Variants in PDZRN4 observed in about 807,000 individuals in gnomAD.
PDZRN4 encodes PDZ domain containing ring finger 4.
A neutral mutation model predicts 99.0 loss-of-function variants in PDZRN4; 70 were observed. The ratio of observed to expected loss-of-function variants is 0.71; its 90% CI spans 0.58 to 0.86. The LOEUF is 0.86. PDZRN4 is among the 40% of genes least tolerant of loss of function. PDZRN4 has a pLI of 0.00. For synonymous variants in PDZRN4, 551 were observed against 501.6 expected, an observed-to-expected ratio of 1.10 and a Z score of -1.32; for missense variants, 1,474 against 1,331.2, an observed-to-expected ratio of 1.11 and a Z score of -1.67.
intron 3 of PDZRN4, among the ~76,000 whole-genome samples, chr12:41,356,743 T>C (rs10785248): frequency 0.37 from 56,664 of 151,828 alleles, 10,655 homozygotes; most frequent in Non-Finnish European, 0.39. Context: ...CTTTTAGAAC[T>C]GATTTCATCT....
intron 3 of PDZRN4, among the ~76,000 whole-genome samples, chr12:41,427,253 T>C (rs555427570): frequency 1.3e-5 from 2 of 152,322 alleles, no homozygotes; most frequent in East Asian, 3.9e-4. Context: ...AAAGGAATAA[T>C]ATGGCTGCCT....
At chr12:41,440,773 G>T (rs1952672535) in intron 3 of PDZRN4, among the ~76,000 whole-genome samples, 1 of 152,096 alleles carries the variant, frequency 6.6e-6, no homozygotes, top group African/African-American at 2.4e-5. Context: ...TTTTATATGT[G>T]CCAGGGACAC....
chr12:41,275,720 G>A lies in PDZRN4; in HGVS notation c.843+81532G>A, dbSNP rs548825678. On this transcript the variant is annotated intron_variant, in intron 3 of 9. Coordinates refer to ENST00000402685, the MANE Select transcript of PDZRN4 (RefSeq NM_001164595.2). Reference sequence around the variant, plus strand: ...ATATAAGGCTATAGATATATAGTAAGTAAAGGAGATAGGATTCAAACCCAA... The same window carrying A: ...ATATAAGGCTATAGATATATAGTAAATAAAGGAGATAGGATTCAAACCCAA... Among the ~76,000 whole-genome samples the A allele has an allele frequency of 2.6e-5, 4 of 152,248 alleles. No individual in the cohort carries two copies. The South Asian group carries it at 8.3e-4, about 32-fold the overall frequency.
At chr12:41,191,341 T>C (rs901947589) in intron 1 of PDZRN4, 117 bp from the exon 2 acceptor site, 1 of 622,728 alleles carries the variant, frequency 1.6e-6, no homozygotes, top group Non-Finnish European at 2.8e-6. Flanking sequence ...ATCCTTAATT[T>C]TAAAGTTTTC....
chr12:41,259,255 G>A (rs1951222562), intron 3 of PDZRN4, among the ~76,000 whole-genome samples: 1 of 151,960 alleles, frequency 6.6e-6, no homozygotes, highest in Non-Finnish European at 1.5e-5. Flanking sequence ...AAAAGACAGA[G>A]TGGAAAGGGA....
chr12:41,216,023 C>T (rs1950919099), intron 3 of PDZRN4, among the ~76,000 whole-genome samples: 1 of 151,894 alleles, frequency 6.6e-6, no homozygotes, highest in South Asian at 2.1e-4. Flanking sequence ...CCCCTGTGGT[C>T]CTGTCAAACT....
At chr12:41,461,922 G>T (rs912530628) in intron 3 of PDZRN4, among the ~76,000 whole-genome samples, 9 of 151,956 alleles carry the variant, frequency 5.9e-5, no homozygotes, top group Non-Finnish European at 1.2e-4. Context: ...AACCCCCCAT[G>T]CCCCTAGAAT....
At position 41,573,067 on chromosome 12, in the gene PDZRN4, T is replaced by C; in HGVS notation, c.2288T>C (p.Val763Ala). ...DRSPDSSLPR[V>A]INLTNKKNLR... ...TCCCCTGACAGTTCCCTTCCAAGGG[T>C]GATCAACCTCACCAATAAGAAAAAC... Residue 763 changes from valine (V) to alanine (A), a missense_variant, in exon 10 of 10, where the codon GTG (valine) becomes GCG (alanine). Coordinates refer to ENST00000402685, the MANE Select transcript of PDZRN4 (RefSeq NM_001164595.2). The C allele has an allele frequency of 6.2e-7, 1 of 1,613,896 alleles. No homozygotes were observed. Among genetic ancestry groups the C allele is most frequent in the Non-Finnish European group, 8.5e-7 (1 of 1,179,956 alleles).
intron 3 of PDZRN4, among the ~76,000 whole-genome samples, chr12:41,310,631 A>G (rs762192625): frequency 3.9e-5 from 6 of 152,194 alleles, no homozygotes; most frequent in Admixed American, 1.3e-4. Context: ...ATCAGTGTCA[A>G]TTGTTGCTCT....
chr12:41,249,130 TAC>T (rs1258822485), intron 3 of PDZRN4, among the ~76,000 whole-genome samples: 1 of 152,180 alleles, frequency 6.6e-6, no homozygotes, highest in Non-Finnish European at 1.5e-5. Context: ...CACACACATA[TAC>T]ACACACAGAG....
chr12:41,301,503 T>C (rs942168864), intron 3 of PDZRN4, among the ~76,000 whole-genome samples: 17 of 152,038 alleles, frequency 1.1e-4, no homozygotes, highest in African/African-American at 3.6e-4. Flanking sequence ...GATATAATCC[T>C]TATAGAAGAA....
At chr12:41,206,390 G>T (rs954412625) in intron 3 of PDZRN4, among the ~76,000 whole-genome samples, 1 of 151,766 alleles carries the variant, frequency 6.6e-6, no homozygotes. Flanking sequence ...GTGAAATGGT[G>T]TATGCAGATG....
chr12:41,487,378 A>G (rs563625700), intron 3 of PDZRN4, among the ~76,000 whole-genome samples: 9 of 152,328 alleles, frequency 5.9e-5, no homozygotes, highest in Admixed American at 2.6e-4. Flanking sequence ...TGACAGGAGC[A>G]TAACATTGCA....
intron 3 of PDZRN4, among the ~76,000 whole-genome samples, chr12:41,247,548 TCATCGCCCTTTTGACTC>T (rs1328650376): frequency 6.6e-6 from 1 of 152,214 alleles, no homozygotes; most frequent in African/African-American, 2.4e-5. Flanking sequence ...GTGGTAGGGT[TCATCGCCCTTTTGACTC>T]CAATTCCTGG....
Position 41,219,839 on chromosome 12 carries a change from A to AT in PDZRN4, c.843+25655dup, listed in dbSNP as rs1223086997. 4.6e-5 allele frequency among the ~76,000 whole-genome samples: 7 copies of AT among 152,140 alleles called. No individual in the cohort carries two copies. In the East Asian group the frequency reaches 1.2e-3, roughly 25 times the overall value. On this transcript the variant is annotated intron_variant, in intron 3 of 9. Coordinates refer to ENST00000402685, the MANE Select transcript of PDZRN4 (RefSeq NM_001164595.2). ...TAGGAATTCCATTTATTCAGCAACA[A>AT]TTTTAAGCTGCTGTAGCTTCTGCTA...
chr12:41,300,731 T>C (rs1951530404), intron 3 of PDZRN4, among the ~76,000 whole-genome samples: 1 of 152,004 alleles, frequency 6.6e-6, no homozygotes. Context: ...TGGTCAGCTG[T>C]ACCCAGAGAT....
chr12:41,337,266 A>G (rs2121006939), intron 3 of PDZRN4, among the ~76,000 whole-genome samples: 1 of 152,172 alleles, frequency 6.6e-6, no homozygotes, highest in South Asian at 2.1e-4. Context: ...AGTGGTTTCA[A>G]TGTGACTAGG....
Position 41,344,115 on chromosome 12 carries a change from T to C in PDZRN4, c.843+149927T>C, listed in dbSNP as rs540461604. On this transcript the variant is annotated intron_variant, in intron 3 of 9. Coordinates refer to ENST00000402685, the MANE Select transcript of PDZRN4 (RefSeq NM_001164595.2). Reference sequence around the variant, plus strand: ...AGCTTCCCTGAGTTAGAATCTATACTGGTGATCAAATAAGTTGATTATATC... The same window carrying C: ...AGCTTCCCTGAGTTAGAATCTATACCGGTGATCAAATAAGTTGATTATATC... Among the ~76,000 whole-genome samples the C allele has an allele frequency of 2.6e-5, 4 of 152,266 alleles. No homozygotes were observed. In the East Asian group the frequency reaches 7.7e-4, roughly 29 times the overall value.
intron 3 of PDZRN4, among the ~76,000 whole-genome samples, chr12:41,426,379 G>A (rs1370334942): frequency 6.6e-6 from 1 of 152,106 alleles, no homozygotes; most frequent in Non-Finnish European, 1.5e-5. Flanking sequence ...GACATGTCTG[G>A]TAAACTACAC....
Sources: gnomAD v4.1 joint callset for allele counts (sites outside exome capture counted in the v4.1 genomes callset) on GRCh38, gnomAD v4.1.1 for gene constraint, MANE v1.5 for transcripts, NCBI Gene and HGNC (gene_info 2026-07-23, HGNC 2026-07-21) for gene names.